XIRP2: variants seen among roughly 807,000 people sequenced by gnomAD.
The protein encoded by XIRP2 is xin actin binding repeat containing 2, also known as xin actin-binding repeat-containing protein 2.
In XIRP2, 236 loss-of-function variants were observed where a neutral mutation model predicts 277.0. That is an observed-to-expected ratio of 0.85 (90% confidence interval 0.77 to 0.95). XIRP2 has a LOEUF of 0.95. Among genes scored for constraint, XIRP2 ranks in the 40% least tolerant of loss-of-function variants. The probability of loss-of-function intolerance (pLI) is 0.00; values close to 1 mark genes in which losing one functional copy is unlikely to be tolerated. For missense variants in XIRP2, 4,640 were observed against 4,157.5 expected, an observed-to-expected ratio of 1.12 and a Z score of -3.19; for synonymous variants, 1,490 against 1,416.5, an observed-to-expected ratio of 1.05 and a Z score of -1.17.
At chr2:166,946,793 T>C (rs929294653) in intron 2 of XIRP2, among the ~76,000 whole-genome samples, 1 of 152,112 alleles carries the variant, frequency 6.6e-6, no homozygotes, top group African/African-American at 2.4e-5. Context: ...CAAAAAAGAA[T>C]TTAATATTAA....
chr2:167,080,992 T>C (rs934162893), intron 2 of XIRP2, among the ~76,000 whole-genome samples: 4 of 152,178 alleles, frequency 2.6e-5, no homozygotes, highest in African/African-American at 9.6e-5. Flanking sequence ...TTATTATTTT[T>C]AAATGAGGTA....
At chr2:167,176,191 T>C (rs965018818) in intron 3 of XIRP2, among the ~76,000 whole-genome samples, 2 of 152,100 alleles carry the variant, frequency 1.3e-5, no homozygotes, top group African/African-American at 4.8e-5. Context: ...TGCAGCTAGC[T>C]CAGTGTCTGC....
chr2:167,079,810 A>G (rs987194928), intron 2 of XIRP2, among the ~76,000 whole-genome samples: 2 of 151,902 alleles, frequency 1.3e-5, no homozygotes, highest in African/African-American at 2.4e-5. Context: ...GATTCTTCAT[A>G]GGATTTTTGA....
chr2:167,152,980 C>T (rs762489035), intron 3 of XIRP2, among the ~76,000 whole-genome samples: 2 of 152,166 alleles, frequency 1.3e-5, no homozygotes, highest in African/African-American at 2.4e-5. Context: ...ATTTCGCAGG[C>T]AACCTCTGCG....
intron 2 of XIRP2, among the ~76,000 whole-genome samples, chr2:166,949,012 T>C (rs1685957307): frequency 6.6e-6 from 1 of 152,014 alleles, no homozygotes. Context: ...GGTGTTTTTT[T>C]TCTCTCTAAA....
At chr2:167,048,778 T>C (rs1278706488) in intron 2 of XIRP2, among the ~76,000 whole-genome samples, 1 of 151,984 alleles carries the variant, frequency 6.6e-6, no homozygotes, top group Non-Finnish European at 1.5e-5. Context: ...GAGTCCTTTC[T>C]AAGTACCTTC....
chr2:167,100,302 G>C (rs549764714), intron 2 of XIRP2, among the ~76,000 whole-genome samples: 1 of 151,992 alleles, frequency 6.6e-6, no homozygotes, highest in South Asian at 2.1e-4. Context: ...TCTTTGAAAA[G>C]GTTTACTTCT....
At chr2:167,087,557 A>T (rs146777877) in intron 2 of XIRP2, among the ~76,000 whole-genome samples, 2,147 of 152,226 alleles carry the variant, frequency 0.014, 59 homozygotes, top group African/African-American at 0.05. Context: ...GCCGCCTTGC[A>T]GTTTGATCTC....
At chr2:167,136,440 A>G (rs1318737536) in intron 3 of XIRP2, among the ~76,000 whole-genome samples, 8 of 152,178 alleles carry the variant, frequency 5.3e-5, no homozygotes, top group African/African-American at 1.9e-4. Flanking sequence ...AGTAACTATC[A>G]GTAGCAAAAT....
chr2:167,252,151 C>T (rs559067199), intron 9 of XIRP2, among the ~76,000 whole-genome samples: 1 of 152,082 alleles, frequency 6.6e-6, no homozygotes, highest in South Asian at 2.1e-4. Context: ...GTATGATTTA[C>T]TTGCACTGTG....
chr2:166,908,407 T>C (rs1684590311), intron 2 of XIRP2, among the ~76,000 whole-genome samples: 1 of 152,134 alleles, frequency 6.6e-6, no homozygotes, highest in Admixed American at 6.5e-5. Context: ...GCTGCATAAA[T>C]GTCTTCTTTT....
At chr2:167,002,904 T>G (rs1687409456) in intron 2 of XIRP2, among the ~76,000 whole-genome samples, 2 of 151,962 alleles carry the variant, frequency 1.3e-5, no homozygotes, top group South Asian at 4.1e-4. Flanking sequence ...GCTTCCTATT[T>G]GATGCTTGGA....
rs569733085 is a variant in XIRP2, at chr2:167,032,045, T to C, written c.409-103864T>C. Among the ~76,000 whole-genome samples the C allele has an allele frequency of 3.9e-5, 6 of 152,300 alleles. No individual in the cohort carries two copies. The South Asian group carries it at 1.0e-3, about 26-fold the overall frequency. On this transcript the variant is annotated intron_variant, in intron 2 of 10. Transcript: ENST00000409195. The stretch of plus-strand genomic sequence containing the variant: ...AGCTGGAAGCATCATGCTACCTGAC[T>C]TCAAACTATACTACAAATCTACAGT...
At chr2:167,123,433 G>T (rs1691111167) in intron 2 of XIRP2, among the ~76,000 whole-genome samples, 1 of 152,122 alleles carries the variant, frequency 6.6e-6, no homozygotes, top group South Asian at 2.1e-4. Flanking sequence ...TAGAGTACTG[G>T]TTTGCTAGGG....
intron 2 of XIRP2, among the ~76,000 whole-genome samples, chr2:167,067,479 T>C (rs2105246503): frequency 6.6e-6 from 1 of 152,298 alleles, no homozygotes; most frequent in African/African-American, 2.4e-5. Context: ...TCTGAGATAT[T>C]GCAGCTTCAA....
At chr2:166,910,948 T>G in intron 2 of XIRP2, among the ~76,000 whole-genome samples, 1 of 152,244 alleles carries the variant, frequency 6.6e-6, no homozygotes, top group East Asian at 1.9e-4. Context: ...AATCCTGAGC[T>G]CTAGTTTGAT....
At chr2:166,889,474 G>C (rs578041242) in intron 1 of XIRP2, 1 of 152,032 alleles carries the variant, frequency 6.6e-6, no homozygotes, top group African/African-American at 2.4e-5. Flanking sequence ...CAGGTCCCTG[G>C]CCTCTCCTCC....
chr2:167,141,989 G>T (rs1474166506), intron 3 of XIRP2, among the ~76,000 whole-genome samples: 1 of 152,192 alleles, frequency 6.6e-6, no homozygotes, highest in Non-Finnish European at 1.5e-5. Context: ...CTATATTGCT[G>T]ATTTTTTGCA....
intron 2 of XIRP2, among the ~76,000 whole-genome samples, chr2:166,920,147 C>G (rs1229744703): frequency 6.6e-6 from 1 of 152,138 alleles, no homozygotes; most frequent in African/African-American, 2.4e-5. Flanking sequence ...TGACTGAACA[C>G]TGCGTATCTA....
Sources: allele counts gnomAD v4.1 joint callset (sites outside exome capture counted in the v4.1 genomes callset), GRCh38; gene constraint gnomAD v4.1.1; transcripts MANE v1.5; gene names NCBI Gene and HGNC (gene_info 2026-07-23, HGNC 2026-07-21).